KDM4B: variants seen among roughly 807,000 people sequenced by gnomAD.
KDM4B encodes lysine demethylase 4B, also known as lysine-specific demethylase 4B.
Under a neutral mutation model 125.2 loss-of-function variants are expected in KDM4B, and 32 were observed. The ratio of observed to expected loss-of-function variants is 0.26; its 90% CI spans 0.19 to 0.34. The LOEUF (loss-of-function observed/expected upper bound fraction) is 0.34, where lower values mean the gene tolerates loss of function less well. Ranked by LOEUF, KDM4B falls within the 10% of genes least tolerant of loss-of-function variation. The pLI, the probability that KDM4B is intolerant of heterozygous loss-of-function variation, is 1.00. For synonymous variants in KDM4B, 721 were observed against 677.9 expected (o/e 1.06, Z -0.99); for missense variants, 1,190 against 1,577.7 (o/e 0.75, Z 4.16).
rs772058539 is a variant in KDM4B at position 5,138,067 on chromosome 19, G to C, written c.2547G>C (p.Lys849Asn). 2.3e-5 allele frequency: 37 copies of C among 1,611,360 alleles called. No individual in the cohort carries two copies. Among genetic ancestry groups the C allele is most frequent in the Non-Finnish European group, 3.1e-5 (36 of 1,179,338 alleles). Residue 849 changes from lysine to asparagine, a missense_variant, in exon 18 of 23, where the codon AAG becomes AAC. Physicochemically the swap from Lys to Asn is moderately conservative, Grantham distance 94. Coordinates refer to ENST00000159111, the MANE Select transcript of KDM4B (RefSeq NM_015015.3). ...DISAIPEQRW[K>N]LKCVYCRKRM... ...GCGCCATCCCCGAGCAGCGGTGGAA[G>C]CTGGTAGGTCCTTGCGGTCGAGGCC...
Position 5,115,495 on chromosome 19 carries a change from T to A in KDM4B, c.1116-4158T>A, listed in dbSNP as rs2039237867. Among the ~76,000 whole-genome samples, 1 of 152,106 alleles carries A rather than the reference T, an allele frequency of 6.6e-6. No homozygotes were observed. The highest frequency in any genetic ancestry group is 2.1e-4 in the South Asian group (1 of 4,824). ...TGCTGATACTGGGGCTCTCCTAAAG[T>A]CACAGGCTCCTGCCCTCAGCAGCCC... On this transcript the variant is annotated intron_variant, in intron 10 of 22. Transcript: ENST00000159111. This position sits in a 1 kb window ranked among gnomAD's most constrained non-coding sequence, Gnocchi z 4.2.
chr19:5,138,460 C>T (rs935460152), intron 18 of KDM4B: 6 of 202,144 alleles, frequency 3.0e-5, no homozygotes, highest in Admixed American at 1.1e-4. Flanking sequence ...TATAACAAGC[C>T]TGGGCAACAC....
At position 5,114,236 on chromosome 19, in the gene KDM4B, C is replaced by T. The variant is rs530829210; in HGVS notation, c.1115+3418C>T. 8.5e-6 allele frequency: 11 copies of T among 1,289,126 alleles called. No individual in the cohort carries two copies. The highest frequency in any genetic ancestry group is 1.1e-5 in the Non-Finnish European group (11 of 988,450). The allele number at this position is 1,289,126 out of a possible 1,614,324, so 79.9% of individuals were successfully genotyped here. ...TGCTCCAGCAGGTACGCGCTCCCTGCAGGACATCTGTGCACCCGCCTCACC... is the reference window on the plus strand; with the variant it reads ...TGCTCCAGCAGGTACGCGCTCCCTGTAGGACATCTGTGCACCCGCCTCACC... On this transcript the variant is annotated intron_variant, in intron 10 of 22. Coordinates refer to ENST00000159111, the MANE Select transcript of KDM4B (RefSeq NM_015015.3). The surrounding 1 kb of genome is among the most constrained non-coding windows in gnomAD (Gnocchi z 5.8).
At chr19:5,017,134 C>T (rs2035917976) in intron 2 of KDM4B, among the ~76,000 whole-genome samples, 1 of 152,168 alleles carries the variant, frequency 6.6e-6, no homozygotes, top group Non-Finnish European at 1.5e-5. Flanking sequence ...TCCAGGGCCC[C>T]CTGTAGCTAA....
At position 5,110,606 on chromosome 19, in the gene KDM4B, G is replaced by C. The variant is rs761673087; in HGVS notation, c.919-16G>C. On this transcript the variant is annotated splice_polypyrimidine_tract_variant and intron_variant, in intron 9 of 22. Transcript: ENST00000159111. ...CAGGTGTGGCGCGAGGGCTCAGACC[G>C]TGTCCCCTGCCGCAGTGCACGTGCC... 1.9e-6 allele frequency: 3 copies of C among 1,612,334 alleles called. No homozygotes were observed. The highest frequency in any genetic ancestry group is 2.2e-5 in the East Asian group (1 of 44,864).
At chr19:5,054,729 C>T (rs735468) in intron 6 of KDM4B, among the ~76,000 whole-genome samples, 10,251 of 152,146 alleles carry the variant, frequency 0.067, 444 homozygotes, top group Middle Eastern at 0.13. Flanking sequence ...TGGCGTGTGG[C>T]GCTGGTGCCG....
intron 11 of KDM4B, among the ~76,000 whole-genome samples, chr19:5,126,865 G>A (rs1346362745): frequency 1.3e-5 from 2 of 152,234 alleles, no homozygotes; most frequent in African/African-American, 4.8e-5. Context: ...TTGAGGGAGG[G>A]GCCCCATAAG....
At position 5,080,228 on chromosome 19, in the gene KDM4B, G is replaced by A. The variant is rs1347260827; in HGVS notation, c.781-2139G>A. Among the ~76,000 whole-genome samples the A allele has an allele frequency of 2.0e-5, 3 of 152,266 alleles. No individual in the cohort carries two copies. In the East Asian group the frequency reaches 5.8e-4, roughly 29 times the overall value. On this transcript the variant is annotated intron_variant, in intron 8 of 22. Coordinates refer to ENST00000159111, the MANE Select transcript of KDM4B (RefSeq NM_015015.3). The stretch of plus-strand genomic sequence containing the variant: ...ACTGGCATTTTTCCAAGCTGTGTCA[G>A]TTTTGATTGATGTCTGACGCCGTGG...
Position 5,133,781 on chromosome 19 carries a change from G to A in KDM4B, c.1907-102G>A, listed in dbSNP as rs2039599617. On this transcript the variant is annotated intron_variant, in intron 13 of 22. Transcript: ENST00000159111. The stretch of plus-strand genomic sequence containing the variant: ...GGCCAGGGACCCTGTGGGCAGCCAG[G>A]GCTGTAGACCCGGGGCCATCCCCTG... 1.2e-5 allele frequency: 15 copies of A among 1,248,108 alleles called. 1 individual carries two copies. In the South Asian group the frequency reaches 1.9e-4, roughly 15 times the overall value. 77.3% of individuals were successfully genotyped at this position (1,248,108 alleles called of 1,614,324 possible).
intron 9 of KDM4B, among the ~76,000 whole-genome samples, chr19:5,083,952 G>C (rs886840149): frequency 2.0e-5 from 3 of 152,284 alleles, no homozygotes; most frequent in South Asian, 2.1e-4. Context: ...GCATTTTCTA[G>C]ATGTCAGACC....
At chr19:4,990,263 C>T (rs1381346197) in intron 1 of KDM4B, among the ~76,000 whole-genome samples, 1 of 152,170 alleles carries the variant, frequency 6.6e-6, no homozygotes, top group East Asian at 1.9e-4. Flanking sequence ...GTGCTCCAGC[C>T]TGGGCAAAAG....
At chr19:5,054,863 C>T (rs1028725046) in intron 6 of KDM4B, among the ~76,000 whole-genome samples, 9 of 152,268 alleles carry the variant, frequency 5.9e-5, no homozygotes, top group African/African-American at 2.2e-4. Context: ...CTGCCTCGCT[C>T]TTGTCACTAC....
chr19:5,142,132 C>T lies in KDM4B; in HGVS notation c.2551-1835C>T, dbSNP rs562041188. Among the ~76,000 whole-genome samples, 22 of 152,248 alleles carry T rather than the reference C, an allele frequency of 1.4e-4. No individual in the cohort carries two copies. Among genetic ancestry groups the T allele is most frequent in the African/African-American group, 2.4e-4 (10 of 41,550 alleles). On this transcript the variant is annotated intron_variant, in intron 18 of 22. Transcript: ENST00000159111. This position sits in a 1 kb window ranked among gnomAD's most constrained non-coding sequence, Gnocchi z 5.4. ...GCTCTGCAGACCTCTGAAGCCCACCCGCGTCGTCCTCACAGCCCTGTGGCC... is the reference window on the plus strand; with the variant it reads ...GCTCTGCAGACCTCTGAAGCCCACCTGCGTCGTCCTCACAGCCCTGTGGCC...
intron 11 of KDM4B, among the ~76,000 whole-genome samples, chr19:5,124,732 A>C (rs943793599): frequency 2.0e-5 from 3 of 152,136 alleles, no homozygotes; most frequent in Admixed American, 6.5e-5. Flanking sequence ...AGTAGCTGGG[A>C]TTACAGGCGC....
In KDM4B at chr19:4,986,967, T is replaced by A. The variant is rs185468154; in HGVS notation, c.-109+17737T>A. Reference sequence around the variant, plus strand: ...TTTATTTTTATTTTATTTTATTTTTTTTTTTGTGAGACGGAGTCTTGCTCT... The same window carrying A: ...TTTATTTTTATTTTATTTTATTTTTATTTTTGTGAGACGGAGTCTTGCTCT... On this transcript the variant is annotated intron_variant, in intron 1 of 22. Transcript: ENST00000159111. 2.4e-3 allele frequency among the ~76,000 whole-genome samples: 365 copies of A among 152,050 alleles called. 2 individuals are homozygous for A. The highest frequency in any genetic ancestry group is 3.6e-3 in the Non-Finnish European group (248 of 67,954).
intron 9 of KDM4B, among the ~76,000 whole-genome samples, chr19:5,100,874 T>C (rs971394898): frequency 1.3e-5 from 2 of 152,208 alleles, no homozygotes; most frequent in African/African-American, 4.8e-5. Flanking sequence ...CATGATGTAG[T>C]ATCTTTTATT....
chr19:5,006,817 C>G (rs2035576369), intron 1 of KDM4B, among the ~76,000 whole-genome samples: 1 of 152,074 alleles, frequency 6.6e-6, no homozygotes, highest in African/African-American at 2.4e-5. Context: ...GTAACCAGCC[C>G]TGGAGCTGAC....
chr19:5,120,409 A>G (rs1483499333), intron 11 of KDM4B, among the ~76,000 whole-genome samples: 2 of 152,248 alleles, frequency 1.3e-5, no homozygotes, highest in African/African-American at 4.8e-5. Flanking sequence ...ACTTGTGGGC[A>G]GAGGGCTGGT....
chr19:4,989,803 C>G (rs945260136), intron 1 of KDM4B, among the ~76,000 whole-genome samples: 3 of 152,162 alleles, frequency 2.0e-5, no homozygotes, highest in Non-Finnish European at 2.9e-5. Context: ...CAGGCATGCG[C>G]CACTGTGCCC....
Sources: allele counts gnomAD v4.1 joint callset (sites outside exome capture counted in the v4.1 genomes callset), GRCh38; gene constraint gnomAD v4.1.1; non-coding constraint Gnocchi (gnomAD v3.1); transcripts MANE v1.5; gene names NCBI Gene and HGNC (gene_info 2026-07-23, HGNC 2026-07-21).